The following SPAG16 variants were observed in gnomAD, a reference collection of about 807,000 sequenced individuals.
SPAG16 encodes the protein sperm-associated antigen 16 protein.
SPAG16 carries 86 observed loss-of-function variants against 80.4 expected under a neutral mutation model. The observed-to-expected ratio is 1.07, with a 90% CI of 0.90 to 1.28. SPAG16 has a LOEUF of 1.28. Ranked by LOEUF, SPAG16 falls within the 50% of genes most tolerant of loss-of-function variation. The pLI is 0.00. For missense variants in SPAG16, 870 were observed against 765.3 expected, an observed-to-expected ratio of 1.14 and a Z score of -1.61; for synonymous variants, 294 against 265.9, an observed-to-expected ratio of 1.11 and a Z score of -1.03.
chr2:214,088,980 A>G (rs191474383), intron 13 of SPAG16, among the ~76,000 whole-genome samples: 212 of 152,276 alleles, frequency 1.4e-3, no homozygotes, highest in Non-Finnish European at 2.5e-3. Flanking sequence ...GCAAACTTAA[A>G]TCCTGCAGTA....
At chr2:213,288,005 G>A (rs573023355) in intron 1 of SPAG16, among the ~76,000 whole-genome samples, 39 of 152,196 alleles carry the variant, frequency 2.6e-4, no homozygotes, top group African/African-American at 8.2e-4. Flanking sequence ...TCCTGGGCTC[G>A]AGCAATCTTC....
In SPAG16 at chr2:213,839,980, T is replaced by C. The variant is rs376478295; in HGVS notation, c.1071-22505T>C. On this transcript the variant is annotated intron_variant, in intron 10 of 15. Transcript: ENST00000331683. ...AAAGAACATTTATATTGGCATTCTC[T>C]GGAAAGAGAAAGCCATGTGCTCAGC... Among the ~76,000 whole-genome samples, 27 of 152,302 alleles carry C rather than the reference T, an allele frequency of 1.8e-4. 1 individual carries two copies. The highest frequency in any genetic ancestry group is 6.0e-4 in the African/African-American group (25 of 41,580).
chr2:213,975,350 A>AT (rs61158521), intron 12 of SPAG16, among the ~76,000 whole-genome samples: 4,727 of 151,614 alleles, frequency 0.031, 245 homozygotes, highest in African/African-American at 0.11. Flanking sequence ...CACATTCTCA[A>AT]TTTTCACTAA....
intron 13 of SPAG16, among the ~76,000 whole-genome samples, chr2:214,019,313 A>G (rs2047741798): frequency 6.6e-6 from 1 of 152,144 alleles, no homozygotes; most frequent in Non-Finnish European, 1.5e-5. Flanking sequence ...TTCAATATAC[A>G]GTAAAACACA....
chr2:213,720,479 A>C (rs2066467166), intron 10 of SPAG16, among the ~76,000 whole-genome samples: 1 of 150,818 alleles, frequency 6.6e-6, no homozygotes, highest in African/African-American at 2.4e-5. Flanking sequence ...TACAAAAAAA[A>C]AAAAAAAAAT....
At chr2:213,761,820 C>T (rs1040829145) in intron 10 of SPAG16, among the ~76,000 whole-genome samples, 1 of 151,896 alleles carries the variant, frequency 6.6e-6, no homozygotes, top group Non-Finnish European at 1.5e-5. Context: ...GAGCCGAGAT[C>T]GTGCCACTGC....
At chr2:213,490,402 C>T (rs2074187196) in intron 10 of SPAG16, among the ~76,000 whole-genome samples, 1 of 152,108 alleles carries the variant, frequency 6.6e-6, no homozygotes, top group Non-Finnish European at 1.5e-5. Context: ...CTATACATTT[C>T]ATTTGTTTAT....
intron 12 of SPAG16, among the ~76,000 whole-genome samples, chr2:213,987,005 T>C (rs920276580): frequency 6.6e-6 from 1 of 152,008 alleles, no homozygotes; most frequent in Non-Finnish European, 1.5e-5. Context: ...AAAGCATTTA[T>C]TTTTATTGAT....
At chr2:214,261,084 G>A (rs1434250512) in intron 15 of SPAG16, among the ~76,000 whole-genome samples, 2 of 111,168 alleles carry the variant, frequency 1.8e-5, no homozygotes, top group Non-Finnish European at 3.4e-5. Flanking sequence ...TCCAGCCTGG[G>A]CTACAAGAGC....
intron 5 of SPAG16, among the ~76,000 whole-genome samples, chr2:213,331,194 G>A (rs1318811662): frequency 6.6e-6 from 1 of 152,182 alleles, no homozygotes; most frequent in Non-Finnish European, 1.5e-5. Flanking sequence ...AGTAGGCACT[G>A]GTTTGTGCCT....
chr2:213,846,021 G>A (rs1488411738), intron 10 of SPAG16, among the ~76,000 whole-genome samples: 1 of 152,252 alleles, frequency 6.6e-6, no homozygotes, highest in Admixed American at 6.5e-5. Context: ...ACATTTACTA[G>A]CATCTCATTG....
chr2:213,996,073 G>C (rs1000235426), intron 12 of SPAG16, among the ~76,000 whole-genome samples: 1 of 152,114 alleles, frequency 6.6e-6, no homozygotes, highest in African/African-American at 2.4e-5. Context: ...GGTAGTTTCT[G>C]GTCTCTGTCC....
intron 13 of SPAG16, among the ~76,000 whole-genome samples, chr2:214,080,104 A>G (rs1005612407): frequency 6.6e-6 from 1 of 152,196 alleles, no homozygotes; most frequent in African/African-American, 2.4e-5. Context: ...AATTTGTAAG[A>G]ATTCAATTAT....
At chr2:213,663,639 G>A (rs2063502096) in intron 10 of SPAG16, among the ~76,000 whole-genome samples, 1 of 151,990 alleles carries the variant, frequency 6.6e-6, no homozygotes, top group Non-Finnish European at 1.5e-5. Context: ...TCTTCCACAA[G>A]AAACATTGAA....
intron 12 of SPAG16, among the ~76,000 whole-genome samples, chr2:213,944,831 T>C (rs1286025502): frequency 6.6e-6 from 1 of 151,976 alleles, no homozygotes; most frequent in African/African-American, 2.4e-5. Flanking sequence ...AGTTGTGCCT[T>C]TATAAAAAGA....
At chr2:213,307,056 T>C (rs953344160) in intron 3 of SPAG16, among the ~76,000 whole-genome samples, 1 of 152,192 alleles carries the variant, frequency 6.6e-6, no homozygotes, top group Non-Finnish European at 1.5e-5. Context: ...TTATTCTTTT[T>C]GAACTTTACA....
intron 9 of SPAG16, among the ~76,000 whole-genome samples, chr2:213,378,324 T>C: frequency 6.6e-6 from 1 of 152,182 alleles, no homozygotes; most frequent in East Asian, 1.9e-4. Flanking sequence ...TTGACAGTAT[T>C]AACCATCACA....
chr2:213,383,352 A>G (rs2067273762), intron 9 of SPAG16, among the ~76,000 whole-genome samples: 1 of 152,052 alleles, frequency 6.6e-6, no homozygotes, highest in Admixed American at 6.6e-5. Flanking sequence ...ACCCCTCTTG[A>G]CTTATCTTCT....
chr2:214,109,483 T>G (rs553907857), intron 14 of SPAG16, among the ~76,000 whole-genome samples: 25 of 152,274 alleles, frequency 1.6e-4, no homozygotes, highest in African/African-American at 5.3e-4. Flanking sequence ...ATAAAAGAAA[T>G]CTGATGGATT....
Sources: allele counts gnomAD v4.1 joint callset (sites outside exome capture counted in the v4.1 genomes callset), GRCh38; gene constraint gnomAD v4.1.1; transcripts MANE v1.5; gene names NCBI Gene and HGNC (gene_info 2026-07-23, HGNC 2026-07-21).